The following RTL4 variants were observed in gnomAD, a reference collection of about 807,000 sequenced individuals.
RTL4 encodes the protein retrotransposon Gag like 4.
A neutral mutation model predicts 5.3 loss-of-function variants in RTL4; 4 were observed. That is an observed-to-expected ratio of 0.75 (90% CI 0.37 to 1.72). The LOEUF (loss-of-function observed/expected upper bound fraction) is 1.72. RTL4 is among the 40% of genes most tolerant of loss of function. RTL4 has a pLI of 0.04. For synonymous variants in RTL4, 98 were observed against 87.3 expected (o/e 1.12, Z -0.68); for missense variants, 260 against 227.1 (o/e 1.14, Z -0.93).
At chrX:112,371,918 G>A in the RTL4 span, among the ~76,000 whole-genome samples, 1 of 111,595 alleles carries the variant, frequency 9.0e-6, no homozygotes, top group Non-Finnish European at 1.9e-5. Flanking sequence ...TAGACAAGGT[G>A]CCACTAAGCA....
At chrX:112,172,835 A>T in the RTL4 span, among the ~76,000 whole-genome samples, 7 of 111,857 alleles carry the variant, frequency 6.3e-5, no homozygotes, top group Admixed American at 4.7e-4. Flanking sequence ...CAGCCATAAA[A>T]AGAGATCATG....
chrX:112,167,433 G>C, the RTL4 span, among the ~76,000 whole-genome samples: 800 of 111,507 alleles, frequency 7.2e-3, 7 homozygotes, highest in African/African-American at 0.025. Flanking sequence ...GACCTCTAGA[G>C]GCACAGGAAG....
the RTL4 span, among the ~76,000 whole-genome samples, chrX:112,409,369 T>C: frequency 8.9e-6 from 1 of 111,922 alleles, no homozygotes; most frequent in African/African-American, 3.3e-5. Flanking sequence ...TATAAGGTGT[T>C]ATTTGCAAGC....
the RTL4 span, among the ~76,000 whole-genome samples, chrX:112,174,054 C>CT: frequency 8.2e-3 from 669 of 81,535 alleles, 4 homozygotes; most frequent in African/African-American, 0.021. Context: ...ATTTTCGTTT[C>CT]TTTTTTTTTT....
the RTL4 span, among the ~76,000 whole-genome samples, chrX:112,310,586 A>C: frequency 1.9e-4 from 7 of 36,009 alleles, no homozygotes; most frequent in Admixed American, 3.1e-3. Context: ...TAATATTTCT[A>C]TATTATATAT....
the RTL4 span, among the ~76,000 whole-genome samples, chrX:112,440,143 A>G: frequency 8.9e-6 from 1 of 112,160 alleles, no homozygotes; most frequent in Non-Finnish European, 1.9e-5. Context: ...TGCCTCCACT[A>G]TAAAGTCAAC....
chrX:112,160,216 G>A, the RTL4 span, among the ~76,000 whole-genome samples: 5 of 111,807 alleles, frequency 4.5e-5, no homozygotes, highest in East Asian at 2.8e-4. Context: ...TGGTATTTGC[G>A]GAGTTGACAG....
chrX:112,109,534 T>C, the RTL4 span, among the ~76,000 whole-genome samples: 2 of 111,588 alleles, frequency 1.8e-5, no homozygotes, highest in Non-Finnish European at 3.8e-5. Flanking sequence ...AGAGTGCTGA[T>C]TGGTTCATTT....
the RTL4 span, among the ~76,000 whole-genome samples, chrX:112,347,062 G>A: frequency 2.7e-5 from 3 of 111,683 alleles, no homozygotes; most frequent in Admixed American, 9.6e-5. Flanking sequence ...ATAAAAACCC[G>A]TCTGAAGTCT....
the RTL4 span, among the ~76,000 whole-genome samples, chrX:112,246,167 G>A: frequency 5.3e-5 from 6 of 112,151 alleles, no homozygotes; most frequent in Non-Finnish European, 1.1e-4. Flanking sequence ...TAGGGCACAC[G>A]GGGGTCAGGG....
the RTL4 span, among the ~76,000 whole-genome samples, chrX:112,268,977 A>G: frequency 2.7e-5 from 3 of 112,091 alleles, no homozygotes; most frequent in African/African-American, 9.7e-5. Context: ...TTGAATGCAG[A>G]GTTTCAATTT....
chrX:112,428,963 T>A, the RTL4 span, among the ~76,000 whole-genome samples: 1 of 111,824 alleles, frequency 8.9e-6, no homozygotes, highest in Admixed American at 9.5e-5. Context: ...TTAATATAGC[T>A]ACTCCTACTT....
the RTL4 span, among the ~76,000 whole-genome samples, chrX:112,409,516 T>G: frequency 2.1e-3 from 227 of 109,881 alleles, no homozygotes; most frequent in African/African-American, 7.1e-3. Context: ...GGTCGGGAGT[T>G]CGAGACCAGC....
the RTL4 span, among the ~76,000 whole-genome samples, chrX:112,317,199 G>C: frequency 9.0e-6 from 1 of 111,145 alleles, no homozygotes; most frequent in African/African-American, 3.3e-5. Flanking sequence ...AAATTAACCG[G>C]GCATGGTGGC....
At chrX:112,310,010 G>A in the RTL4 span, among the ~76,000 whole-genome samples, 1 of 104,539 alleles carries the variant, frequency 9.6e-6, no homozygotes, top group Non-Finnish European at 1.9e-5. Flanking sequence ...ACCCGAGATC[G>A]TGCCACTGCA....
chrX:112,189,199 G>C, the RTL4 span, among the ~76,000 whole-genome samples: 1 of 110,503 alleles, frequency 9.0e-6, no homozygotes, highest in Admixed American at 9.7e-5. Flanking sequence ...CTAGAGACCA[G>C]CCTGGGCAAC....
the RTL4 span, among the ~76,000 whole-genome samples, chrX:112,361,580 T>C: frequency 9.0e-6 from 1 of 111,137 alleles, no homozygotes; most frequent in Admixed American, 9.6e-5. Flanking sequence ...ATGGATTTTA[T>C]GGGGTTTCTT....
At chrX:112,258,810 A>G in the RTL4 span, among the ~76,000 whole-genome samples, 8 of 111,641 alleles carry the variant, frequency 7.2e-5, no homozygotes, top group Non-Finnish European at 1.5e-4. Flanking sequence ...ACATTCTGTC[A>G]TATTTTCATT....
chrX:112,327,409 A>C, the RTL4 span, among the ~76,000 whole-genome samples: 1 of 111,602 alleles, frequency 9.0e-6, no homozygotes, highest in Non-Finnish European at 1.9e-5. Context: ...GGTATCAGCG[A>C]TGGAAGATGA....
Sources: gnomAD v4.1 joint callset for allele counts (sites outside exome capture counted in the v4.1 genomes callset) on GRCh38, gnomAD v4.1.1 for gene constraint, MANE v1.5 for transcripts, NCBI Gene and HGNC (gene_info 2026-07-23, HGNC 2026-07-21) for gene names.